Variants in RALGAPA2 observed in about 807,000 individuals in gnomAD.
RALGAPA2 encodes the protein Ral GTPase activating protein catalytic subunit alpha 2, also known as ral GTPase-activating protein subunit alpha-2.
In RALGAPA2, 139 loss-of-function variants were observed where a neutral mutation model predicts 230.4. The ratio of observed to expected loss-of-function variants is 0.60; its 90% confidence interval spans 0.53 to 0.69. The LOEUF (loss-of-function observed/expected upper bound fraction) is 0.69, where lower values mean the gene tolerates loss of function less well. Ranked by LOEUF, RALGAPA2 falls within the 30% of genes least tolerant of loss-of-function variation. The pLI is 0.00. For missense variants in RALGAPA2, 2,163 were observed against 2,276.0 expected, an observed-to-expected ratio of 0.95 and a Z score of 1.01; for synonymous variants, 847 against 837.8, an observed-to-expected ratio of 1.01 and a Z score of -0.19.
In RALGAPA2 at chr20:20,425,731, C is replaced by T. The variant is rs1045620614; in HGVS notation, c.5496-13583G>A. Among the ~76,000 whole-genome samples, 7 of 152,302 alleles carry T rather than the reference C, an allele frequency of 4.6e-5. No individual in the cohort carries two copies. The South Asian group carries it at 1.0e-3, about 23-fold the overall frequency. ...TGATAAATATTACTGCTGACCCACA[C>T]TTGAAACTCAATACACCCCACAGAC... On this transcript the variant is annotated intron_variant, in intron 37 of 39. Transcript: ENST00000202677.
intron 39 of RALGAPA2, 122 bp from the exon 40 acceptor site, chr20:20,393,375 C>A: frequency 3.1e-6 from 2 of 640,888 alleles, no homozygotes; most frequent in South Asian, 2.2e-5. Context: ...GGTCTGGTGA[C>A]CTCCTCCCAC....
At chr20:20,695,711 A>T (rs1269675998) in intron 1 of RALGAPA2, among the ~76,000 whole-genome samples, 1 of 152,224 alleles carries the variant, frequency 6.6e-6, no homozygotes, top group Non-Finnish European at 1.5e-5. Context: ...TGAGTAAGAC[A>T]TAAGGTTCAG....
At chr20:20,598,555 TTA>T (rs1404495054) in intron 16 of RALGAPA2, 78 of 251,706 alleles carry the variant, frequency 3.1e-4, no homozygotes, top group African/African-American at 1.7e-3. Context: ...TCATTGCAAT[TTA>T]ACACTAGTGT....
At chr20:20,637,036 C>G (rs2066883366) in intron 8 of RALGAPA2, among the ~76,000 whole-genome samples, 1 of 152,122 alleles carries the variant, frequency 6.6e-6, no homozygotes, top group Non-Finnish European at 1.5e-5. Context: ...ACCCCACCAC[C>G]CACAAGGAAA....
chr20:20,438,131 A>C, intron 37 of RALGAPA2, among the ~76,000 whole-genome samples: 1 of 152,252 alleles, frequency 6.6e-6, no homozygotes. Flanking sequence ...GCTGAAATGA[A>C]ACATTTCTTT....
At chr20:20,663,012 C>G (rs1223906464) in intron 3 of RALGAPA2, among the ~76,000 whole-genome samples, 4 of 152,178 alleles carry the variant, frequency 2.6e-5, no homozygotes, top group Non-Finnish European at 4.4e-5. Flanking sequence ...GAGAAGGAGG[C>G]AGACTAGACG....
chr20:20,559,391 A>G (rs2064185832), intron 23 of RALGAPA2, among the ~76,000 whole-genome samples: 1 of 152,112 alleles, frequency 6.6e-6, no homozygotes, highest in African/African-American at 2.4e-5. Context: ...AACAATCCCA[A>G]CGGAAGCCAG....
At chr20:20,402,854 C>G (rs1266381753) in intron 38 of RALGAPA2, among the ~76,000 whole-genome samples, 2 of 152,172 alleles carry the variant, frequency 1.3e-5, no homozygotes, top group African/African-American at 4.8e-5. Flanking sequence ...CTCACCAGAG[C>G]AAGAGCCAAG....
chr20:20,525,953 C>A (rs558374416), intron 28 of RALGAPA2, among the ~76,000 whole-genome samples: 13 of 152,150 alleles, frequency 8.5e-5, no homozygotes, highest in Non-Finnish European at 1.6e-4. Context: ...CTTGTTGGCA[C>A]CATCCAAATT....
At chr20:20,508,462 A>C (rs1261299524) in intron 33 of RALGAPA2, among the ~76,000 whole-genome samples, 3 of 152,226 alleles carry the variant, frequency 2.0e-5, no homozygotes, top group Non-Finnish European at 2.9e-5. Flanking sequence ...AAAGAAAAGC[A>C]TGATTTTAAC....
chr20:20,598,328 A>G (rs1233289902), intron 16 of RALGAPA2, among the ~76,000 whole-genome samples: 1 of 152,194 alleles, frequency 6.6e-6, no homozygotes, highest in Admixed American at 6.5e-5. Context: ...TAATACTGAC[A>G]TTCTCAAAAC....
intron 36 of RALGAPA2, among the ~76,000 whole-genome samples, chr20:20,493,382 T>C (rs760668436): frequency 6.6e-6 from 1 of 152,248 alleles, no homozygotes; most frequent in Non-Finnish European, 1.5e-5. Flanking sequence ...AGAAAGCGAT[T>C]TGCTCAATTC....
intron 2 of RALGAPA2, among the ~76,000 whole-genome samples, chr20:20,676,766 C>T (rs533773025): frequency 3.9e-5 from 6 of 152,288 alleles, no homozygotes; most frequent in South Asian, 2.1e-4. Flanking sequence ...TTACCATTTT[C>T]GGTCCTCTCT....
intron 37 of RALGAPA2, among the ~76,000 whole-genome samples, chr20:20,423,375 C>T (rs2060317140): frequency 6.6e-6 from 1 of 152,086 alleles, no homozygotes; most frequent in Non-Finnish European, 1.5e-5. Context: ...TAGGGAACCA[C>T]CCCCACCCCC....
At chr20:20,464,619 GC>G (rs2061374542) in intron 37 of RALGAPA2, among the ~76,000 whole-genome samples, 1 of 152,046 alleles carries the variant, frequency 6.6e-6, no homozygotes, top group Non-Finnish European at 1.5e-5. Context: ...TAAACTAATG[GC>G]TCTAAGAAAA....
intron 31 of RALGAPA2, among the ~76,000 whole-genome samples, chr20:20,519,485 T>G (rs939860016): frequency 6.6e-6 from 1 of 152,220 alleles, no homozygotes; most frequent in Non-Finnish European, 1.5e-5. Flanking sequence ...CTCAGGGATC[T>G]GACTGTCACT....
intron 1 of RALGAPA2, among the ~76,000 whole-genome samples, chr20:20,707,479 T>C (rs1343617393): frequency 6.6e-6 from 1 of 152,160 alleles, no homozygotes; most frequent in Non-Finnish European, 1.5e-5. Context: ...TTATGGGATA[T>C]GGTCTCAACA....
At chr20:20,584,770 G>C in intron 19 of RALGAPA2, 95 bp downstream of exon 19, 1 of 1,001,884 alleles carries the variant, frequency 1.0e-6, no homozygotes, top group Admixed American at 2.3e-5. Flanking sequence ...GAAAGAGTGA[G>C]ACTGAGTCTC....
At chr20:20,397,491 A>T (rs1235285041) in intron 38 of RALGAPA2, among the ~76,000 whole-genome samples, 1 of 151,074 alleles carries the variant, frequency 6.6e-6, no homozygotes. Flanking sequence ...TGGCAAATGC[A>T]TCCTCTTTCT....
Sources: allele counts gnomAD v4.1 joint callset (sites outside exome capture counted in the v4.1 genomes callset), GRCh38; gene constraint gnomAD v4.1.1; transcripts MANE v1.5; gene names NCBI Gene and HGNC (gene_info 2026-07-23, HGNC 2026-07-21).